The following BPTF variants were observed in gnomAD, a reference collection of about 807,000 sequenced individuals.
BPTF encodes bromodomain PHD finger transcription factor.
BPTF carries 18 observed loss-of-function variants against 292.5 expected under a neutral mutation model. That is an observed-to-expected ratio of 0.06 (90% CI 0.04 to 0.09). The LOEUF (loss-of-function observed/expected upper bound fraction) is 0.09. BPTF is among the 10% of genes least tolerant of loss of function. The pLI is 1.00. For missense variants in BPTF, 2,726 were observed against 3,498.7 expected, an observed-to-expected ratio of 0.78 and a Z score of 5.57; for synonymous variants, 1,225 against 1,251.9, an observed-to-expected ratio of 0.98 and a Z score of 0.45.
At chr17:67,897,112 A>C (rs1775963781) in intron 7 of BPTF, among the ~76,000 whole-genome samples, 2 of 151,544 alleles carry the variant, frequency 1.3e-5, no homozygotes, top group East Asian at 2.0e-4. Context: ...CAGTCACCTG[A>C]GGTCGGGAAT....
In BPTF at chr17:67,984,028, T is replaced by G. The variant is rs1269968422; in HGVS notation, c.*1740T>G. ...CAATATGAAAACATGAAAAAATTTT[T>G]GCTTAAAGTATTAAGATGGAAGTAG... On this transcript the variant is annotated 3_prime_UTR_variant, in exon 28 of 28. Transcript: ENST00000306378. 4.6e-5 allele frequency: 7 copies of G among 152,614 alleles called. No individual in the cohort carries two copies. The highest frequency in any genetic ancestry group is 3.3e-4 in the Admixed American group (5 of 15,276). The allele number at this position is 152,614 out of a possible 1,614,324, so 9.5% of individuals were successfully genotyped here. A position where few individuals can be genotyped will look rare whatever the true frequency, so the allele number is the denominator to read the frequency against.
Position 67,854,123 on chromosome 17 carries a change from G to A in BPTF, c.797G>A (p.Arg266His), listed in dbSNP as rs773171191. 7 of 1,614,124 alleles carry A rather than the reference G, an allele frequency of 4.3e-6. No homozygotes were observed. Among genetic ancestry groups the A allele is most frequent in the East Asian group, 4.5e-5 (2 of 44,888 alleles). Residue 266 changes from arginine (R) to histidine (H), a missense_variant, in exon 2 of 28, where the codon CGC becomes CAC. Transcript: ENST00000306378. The surrounding 1 kb of genome is among the most constrained non-coding windows in gnomAD (Gnocchi z 5.6). ...FGTVLRLSPFRFEDFCAALVS... is the reference protein window; with the variant it reads ...FGTVLRLSPFHFEDFCAALVS... The stretch of plus-strand genomic sequence containing the variant: ...ACTGTTTTGAGATTATCTCCTTTTC[G>A]CTTTGAGGACTTTTGTGCAGCTCTG...
At chr17:67,951,191 G>GA (rs2066321762) in intron 23 of BPTF, 2 of 152,000 alleles carry the variant, frequency 1.3e-5, no homozygotes, top group African/African-American at 4.8e-5. Context: ...TTAACCTTCA[G>GA]CCTCTCTCTC....
At chr17:67,923,933 C>G (rs1232023722) in intron 14 of BPTF, among the ~76,000 whole-genome samples, 4 of 152,084 alleles carry the variant, frequency 2.6e-5, no homozygotes, top group Non-Finnish European at 5.9e-5. Context: ...CTGCAACCTC[C>G]CAGATTCAAG....
intron 3 of BPTF, among the ~76,000 whole-genome samples, chr17:67,873,180 C>T (rs866324190): frequency 2.0e-5 from 3 of 152,058 alleles, no homozygotes; most frequent in Middle Eastern, 3.4e-3. Flanking sequence ...TCTTATGGCC[C>T]GGTGCAGTGG....
intron 26 of BPTF, among the ~76,000 whole-genome samples, chr17:67,973,650 C>A (rs1428138773): frequency 6.6e-6 from 1 of 151,992 alleles, no homozygotes; most frequent in Non-Finnish European, 1.5e-5. Context: ...GGATTAAAGG[C>A]ATGTGCCACC....
At chr17:67,922,165 G>T (rs1017992686) in intron 13 of BPTF, among the ~76,000 whole-genome samples, 1 of 152,188 alleles carries the variant, frequency 6.6e-6, no homozygotes, top group African/African-American at 2.4e-5. Flanking sequence ...AACCACTGCA[G>T]TCCCCTAAAA....
At position 67,825,673 on chromosome 17, in the gene BPTF, T is replaced by G; in HGVS notation, c.-52T>G. On this transcript the variant is annotated 5_prime_UTR_variant, in exon 1 of 28. Transcript: ENST00000306378. ...CCCCGGCGCTCCCCACCGCCCCCCC[T>G]GCGCCCGCCCCTCCCCCTTCGCTTT... 1.4e-5 allele frequency: 1 copy of G among 69,134 alleles called. No individual in the cohort carries two copies. Among genetic ancestry groups the G allele is most frequent in the Non-Finnish European group, 2.5e-5 (1 of 40,060 alleles). 4.3% of individuals were successfully genotyped at this position (69,134 alleles called of 1,614,324 possible).
rs1296233571 is a variant in BPTF at position 67,874,884 on chromosome 17, A to G, written c.1728A>G (p.Thr576=). 6.2e-7 allele frequency: 1 copy of G among 1,613,898 alleles called. No individual in the cohort carries two copies. Among genetic ancestry groups the G allele is most frequent in the South Asian group, 1.1e-5 (1 of 91,026 alleles). ...DIDNVKSPEE[T]EKDKNETEND... is the part of the protein sequence containing the mutation. Reference sequence around the variant, plus strand: ...ATAATGTTAAAAGCCCAGAAGAAACAGAAAAAGACAAGAATGAGACTGAGA... The same window carrying G: ...ATAATGTTAAAAGCCCAGAAGAAACGGAAAAAGACAAGAATGAGACTGAGA... Residue 576 remains threonine (T), a synonymous_variant, in exon 4 of 28, where the codon ACA becomes ACG. Transcript: ENST00000306378.
At chr17:67,871,676 G>A (rs1219994005) in intron 3 of BPTF, among the ~76,000 whole-genome samples, 3 of 152,046 alleles carry the variant, frequency 2.0e-5, no homozygotes, top group Non-Finnish European at 4.4e-5. Context: ...GTTTAGTTTT[G>A]AAATGTTCAT....
intron 3 of BPTF, among the ~76,000 whole-genome samples, chr17:67,867,264 CTTA>C (rs1194588141): frequency 7.9e-5 from 12 of 152,104 alleles, no homozygotes; most frequent in African/African-American, 2.9e-4. Context: ...ATTCAAGTAT[CTTA>C]TTAAACTTTT....
At chr17:67,899,173 T>G (rs1018231287) in intron 7 of BPTF, among the ~76,000 whole-genome samples, 2 of 152,160 alleles carry the variant, frequency 1.3e-5, no homozygotes. Context: ...GAAGCAATAA[T>G]GCAGGTAGAC....
chr17:67,838,853 A>G (rs568768949), intron 1 of BPTF, among the ~76,000 whole-genome samples: 2 of 152,382 alleles, frequency 1.3e-5, no homozygotes, highest in South Asian at 4.1e-4. Flanking sequence ...ATGCCATGAA[A>G]TCAGATTTTA....
chr17:67,857,345 A>G (rs1242226576), intron 2 of BPTF, among the ~76,000 whole-genome samples: 3 of 151,070 alleles, frequency 2.0e-5, no homozygotes, highest in Admixed American at 6.6e-5. Context: ...TATTTTTAGT[A>G]GAGACGGGGT....
chr17:67,944,343 C>T lies in BPTF; in HGVS notation c.6671C>T (p.Thr2224Ile). 2 of 1,613,740 alleles carry T rather than the reference C, an allele frequency of 1.2e-6. No homozygotes were observed. The highest frequency in any genetic ancestry group is 1.7e-6 in the Non-Finnish European group (2 of 1,180,022). ...ACAACAGCCACCACAGCCAGCACCA[C>T]CACCACCACTGTTTCCACGACAGCA... The part of the protein sequence containing the change: ...LATTATTAST[T>I]TTTVSTTAAG... Residue 2224 changes from threonine (T) to isoleucine (I), a missense_variant, in exon 20 of 28, where the codon ACC (threonine) becomes ATC (isoleucine). By Grantham distance (89) the Thr-to-Ile change is moderately conservative (BLOSUM62 -1). Coordinates refer to ENST00000306378, the MANE Select transcript of BPTF (RefSeq NM_182641.4).
At chr17:67,840,543 C>A (rs1398474075) in intron 1 of BPTF, among the ~76,000 whole-genome samples, 1 of 150,588 alleles carries the variant, frequency 6.6e-6, no homozygotes, top group Non-Finnish European at 1.5e-5. Flanking sequence ...CTCTCCTTCT[C>A]CTCTTCCTCC....
chr17:67,910,812 AT>A (rs202228218), intron 10 of BPTF, 64 bp from the exon 11 acceptor site: 222,545 of 1,140,404 alleles, frequency 0.2, 11,268 homozygotes, highest in East Asian at 0.52. Context: ...AAAAAAAAAT[AT>A]ATATATATAA....
intron 1 of BPTF, among the ~76,000 whole-genome samples, chr17:67,838,497 G>A (rs1397555416): frequency 6.6e-6 from 1 of 150,736 alleles, no homozygotes; most frequent in African/African-American, 2.4e-5. Context: ...TTTTTTTTGA[G>A]CTGGAGTATC....
intron 24 of BPTF, 178 bp downstream of exon 24, chr17:67,960,053 T>A (rs1268817900): frequency 2.8e-5 from 15 of 540,420 alleles, no homozygotes; most frequent in Admixed American, 7.5e-5. Context: ...AAAGTAAAAT[T>A]TGCTATTTCA....
Sources: gnomAD v4.1 joint callset for allele counts (sites outside exome capture counted in the v4.1 genomes callset) on GRCh38, gnomAD v4.1.1 for gene constraint, Gnocchi (gnomAD v3.1) non-coding constraint, MANE v1.5 for transcripts, NCBI Gene and HGNC (gene_info 2026-07-23, HGNC 2026-07-21) for gene names.